ATL2: variants seen among roughly 807,000 people sequenced by gnomAD.
The protein encoded by ATL2 is atlastin-2.
A neutral mutation model predicts 73.9 loss-of-function variants in ATL2; 31 were observed. The observed-to-expected ratio is 0.42, with a 90% CI of 0.32 to 0.57. ATL2 has a LOEUF of 0.57. Among genes scored for constraint, ATL2 ranks in the 20% least tolerant of loss-of-function variants. ATL2 has a pLI of 0.14. For synonymous variants in ATL2, 291 were observed against 237.5 expected, an observed-to-expected ratio of 1.23 and a Z score of -2.07; for missense variants, 738 against 702.6, an observed-to-expected ratio of 1.05 and a Z score of -0.57.
Position 38,309,947 on chromosome 2 carries a change from T to TAA in ATL2, c.943+360_943+361dup, listed in dbSNP as rs371594340. 3.2e-3 allele frequency among the ~76,000 whole-genome samples: 484 copies of TAA among 152,264 alleles called. 3 individuals carry two copies. The highest frequency in any genetic ancestry group is 0.011 in the African/African-American group (452 of 41,540). ...ACTCAAAATAATCCTACAACATACA[T>TAA]AAACTGTACTATCACTCCTGAAACA... On this transcript the variant is annotated intron_variant, in intron 8 of 12. Coordinates refer to ENST00000378954, the MANE Select transcript of ATL2 (RefSeq NM_001135673.4).
chr2:38,364,715 G>T (rs1671205496), intron 1 of ATL2, among the ~76,000 whole-genome samples: 1 of 152,202 alleles, frequency 6.6e-6, no homozygotes, highest in African/African-American at 2.4e-5. Flanking sequence ...CCTTGACTCA[G>T]GCATATAGTT....
intron 1 of ATL2, among the ~76,000 whole-genome samples, chr2:38,371,579 A>G (rs1381579578): frequency 7.1e-6 from 1 of 140,674 alleles, no homozygotes; most frequent in Non-Finnish European, 1.6e-5. Context: ...ACTGGGAAGG[A>G]AAAAAAAAAA....
At chr2:38,299,099 A>G (rs889332637) in intron 11 of ATL2, among the ~76,000 whole-genome samples, 157 bp downstream of exon 11, 15 of 152,198 alleles carry the variant, frequency 9.9e-5, no homozygotes, top group Admixed American at 3.9e-4. Flanking sequence ...ATTTTCTTAT[A>G]GTTTATTTCC....
intron 1 of ATL2, among the ~76,000 whole-genome samples, chr2:38,370,897 G>T (rs551194008): frequency 1.3e-5 from 2 of 151,870 alleles, no homozygotes; most frequent in African/African-American, 4.8e-5. Flanking sequence ...GTTCAAGGTT[G>T]CAGCGAGCTA....
chr2:38,330,011 C>A (rs930088742), intron 2 of ATL2, among the ~76,000 whole-genome samples: 1 of 151,980 alleles, frequency 6.6e-6, no homozygotes, highest in Non-Finnish European at 1.5e-5. Context: ...CACCTGTAAT[C>A]CCAGCTACTG....
intron 9 of ATL2, among the ~76,000 whole-genome samples, chr2:38,302,128 G>A (rs1021617782): frequency 6.6e-6 from 1 of 152,158 alleles, no homozygotes; most frequent in African/African-American, 2.4e-5. Flanking sequence ...CCAAGTCCTG[G>A]CAGGGTTCAT....
intron 1 of ATL2, among the ~76,000 whole-genome samples, chr2:38,347,528 T>C (rs894475207): frequency 1.3e-5 from 2 of 152,186 alleles, no homozygotes; most frequent in South Asian, 2.1e-4. Context: ...AACAGGTTTA[T>C]TCATAGTTTT....
At chr2:38,296,625 C>G in intron 12 of ATL2, 1 of 1,609,064 alleles carries the variant, frequency 6.2e-7, no homozygotes, top group Non-Finnish European at 8.5e-7. Context: ...GAGAATGAAT[C>G]AGAGTGCCTC....
At chr2:38,369,526 T>A (rs1020719467) in intron 1 of ATL2, among the ~76,000 whole-genome samples, 10 of 151,520 alleles carry the variant, frequency 6.6e-5, no homozygotes, top group Non-Finnish European at 1.0e-4. Context: ...GACTTTGTCA[T>A]CCACCCGCCT....
intron 2 of ATL2, among the ~76,000 whole-genome samples, chr2:38,321,257 T>C (rs1375331976): frequency 6.6e-6 from 1 of 152,172 alleles, no homozygotes; most frequent in Non-Finnish European, 1.5e-5. Context: ...TTAATTATTA[T>C]TATTATTCCA....
chr2:38,325,692 ACACC>A lies in ATL2; in HGVS notation c.364-6677_364-6674del, dbSNP rs1489913399. Among the ~76,000 whole-genome samples, 56 of 58,566 alleles carry A rather than the reference ACACC, an allele frequency of 9.6e-4. 1 individual carries two copies. Among genetic ancestry groups the A allele is most frequent in the Non-Finnish European group, 1.3e-3 (48 of 36,812 alleles). 38.4% of individuals were successfully genotyped at this position (58,566 alleles called of 152,430 possible). A position where few individuals can be genotyped will look rare whatever the true frequency, so the allele number is the denominator to read the frequency against. On this transcript the variant is annotated intron_variant, in intron 2 of 12. Transcript: ENST00000378954. ...CACACACACACACACACACACACAC[ACACC>A]AGTACACACACACACACACACACAC...
At chr2:38,341,136 G>A (rs1669691332) in intron 2 of ATL2, among the ~76,000 whole-genome samples, 1 of 152,104 alleles carries the variant, frequency 6.6e-6, no homozygotes, top group Non-Finnish European at 1.5e-5. Context: ...ACTTTCTACT[G>A]TCTGTGACCT....
chr2:38,317,756 CATCT>C (rs1558402670), intron 4 of ATL2, among the ~76,000 whole-genome samples: 2 of 151,798 alleles, frequency 1.3e-5, no homozygotes, highest in African/African-American at 2.4e-5. Flanking sequence ...GTCTGGTAGC[CATCT>C]ATCTGATTTC....
At chr2:38,320,610 C>T (rs1365010328) in intron 2 of ATL2, among the ~76,000 whole-genome samples, 1 of 152,030 alleles carries the variant, frequency 6.6e-6, no homozygotes, top group African/African-American at 2.4e-5. Flanking sequence ...TAAATGAATA[C>T]CTTTGACAGA....
intron 2 of ATL2, among the ~76,000 whole-genome samples, chr2:38,340,970 G>C (rs539203856): frequency 6.6e-6 from 1 of 152,160 alleles, no homozygotes; most frequent in African/African-American, 2.4e-5. Context: ...AGAGAGTTCC[G>C]TTTGTGCAGA....
intron 1 of ATL2, among the ~76,000 whole-genome samples, chr2:38,375,808 C>T (rs1671927994): frequency 6.6e-6 from 1 of 152,198 alleles, no homozygotes; most frequent in Non-Finnish European, 1.5e-5. Flanking sequence ...CTACAGAGTG[C>T]TACCACTGTA....
intron 12 of ATL2, 173 bp downstream of exon 12, chr2:38,297,971 T>C (rs1213376192): frequency 1.5e-6 from 1 of 655,690 alleles, no homozygotes; most frequent in African/African-American, 1.8e-5. Flanking sequence ...ATTAAAATTA[T>C]AACTTTAAAG....
At chr2:38,303,184 T>G (rs1016997190) in intron 9 of ATL2, among the ~76,000 whole-genome samples, 3 of 152,142 alleles carry the variant, frequency 2.0e-5, no homozygotes, top group African/African-American at 7.2e-5. Context: ...ACTGACATAC[T>G]GAAGAATGCA....
chr2:38,357,449 GA>G lies in ATL2; in HGVS notation c.119-13938del, dbSNP rs202158026. 8.9e-3 allele frequency among the ~76,000 whole-genome samples: 1,232 copies of G among 137,774 alleles called. 13 individuals are homozygous for G. The highest frequency in any genetic ancestry group is 0.062 in the East Asian group (300 of 4,850). 90.4% of individuals were successfully genotyped at this position (137,774 alleles called of 152,430 possible). On this transcript the variant is annotated intron_variant, in intron 1 of 12. Transcript: ENST00000378954. ...GTTTCCTATCACATTTGGGATTAAG[GA>G]AAAAAAAAAAAGAAGTAGCATGGTG...
Sources: allele counts gnomAD v4.1 joint callset (sites outside exome capture counted in the v4.1 genomes callset), GRCh38; gene constraint gnomAD v4.1.1; transcripts MANE v1.5; gene names NCBI Gene and HGNC (gene_info 2026-07-23, HGNC 2026-07-21).